The following UBE2E2 variants were observed in gnomAD, a reference collection of about 807,000 sequenced individuals.
UBE2E2 encodes the protein ubiquitin conjugating enzyme E2 E2, also known as ubiquitin-conjugating enzyme E2 E2.
UBE2E2 carries 6 observed loss-of-function variants against 24.7 expected under a neutral mutation model. The observed-to-expected ratio is 0.24, with a 90% confidence interval of 0.13 to 0.48. The LOEUF is 0.48. Among genes scored for constraint, UBE2E2 ranks in the 20% least tolerant of loss-of-function variants. The pLI, the probability that UBE2E2 is intolerant of heterozygous loss-of-function variation, is 0.99. For synonymous variants in UBE2E2, 104 were observed against 83.6 expected, an observed-to-expected ratio of 1.24 and a Z score of -1.33; for missense variants, 169 against 245.0, an observed-to-expected ratio of 0.69 and a Z score of 2.07.
Position 23,313,201 on chromosome 3 carries a change from T to C in UBE2E2, c.227+95889T>C, listed in dbSNP as rs570325547. Among the ~76,000 whole-genome samples the C allele has an allele frequency of 7.9e-5, 12 of 152,302 alleles. No individual in the cohort carries two copies. The South Asian group carries it at 1.9e-3, about 24-fold the overall frequency. On this transcript the variant is annotated intron_variant, in intron 3 of 5. Transcript: ENST00000396703. The stretch of plus-strand genomic sequence containing the variant: ...ATCATCTTGCTAATTGACCCTTTTA[T>C]TGTTATATAGTGACCTTCGTTTCTT...
intron 3 of UBE2E2, among the ~76,000 whole-genome samples, chr3:23,308,529 A>G (rs775220249): frequency 6.6e-6 from 1 of 152,218 alleles, no homozygotes; most frequent in Non-Finnish European, 1.5e-5. Flanking sequence ...TCATTATAAA[A>G]TTGTTTACCA....
chr3:23,574,657 T>C (rs1209771267), intron 5 of UBE2E2, among the ~76,000 whole-genome samples: 1 of 152,092 alleles, frequency 6.6e-6, no homozygotes, highest in African/African-American at 2.4e-5. Context: ...TTTGAGGCTA[T>C]AGTACACTAT....
intron 3 of UBE2E2, among the ~76,000 whole-genome samples, chr3:23,345,304 T>A (rs1288347539): frequency 6.6e-6 from 1 of 152,226 alleles, no homozygotes; most frequent in Admixed American, 6.5e-5. Context: ...TTTGGACACC[T>A]GGTATTAAAC....
intron 3 of UBE2E2, among the ~76,000 whole-genome samples, chr3:23,332,676 T>G (rs548159215): frequency 0.052 from 901 of 17,440 alleles, 10 homozygotes; most frequent in African/African-American, 0.12. Context: ...GCCAGTGGGG[T>G]GTGTGTGTGT....
intron 3 of UBE2E2, among the ~76,000 whole-genome samples, chr3:23,335,494 T>C (rs949075921): frequency 2.0e-5 from 3 of 152,224 alleles, no homozygotes; most frequent in Non-Finnish European, 4.4e-5. Flanking sequence ...TTAATGCATC[T>C]TGAATTTTAT....
intron 3 of UBE2E2, among the ~76,000 whole-genome samples, chr3:23,257,674 C>CT (rs1018569549): frequency 4.0e-5 from 6 of 149,240 alleles, no homozygotes; most frequent in East Asian, 2.0e-4. Context: ...GCTGGTTTTA[C>CT]TTTTTTTTTG....
chr3:23,430,272 A>G (rs1469801526), intron 3 of UBE2E2, among the ~76,000 whole-genome samples: 2 of 152,150 alleles, frequency 1.3e-5, no homozygotes, highest in Non-Finnish European at 2.9e-5. Context: ...TTGTGAAGAA[A>G]GTCTCATTTC....
At position 23,445,817 on chromosome 3, in the gene UBE2E2, C is replaced by G. The variant is rs375139011; in HGVS notation, c.228-53791C>G. ...TAAGTCACAGACTTATTTGTTGGCA[C>G]ATAGTGAGGCATGCAAATTCTCTTA... On this transcript the variant is annotated intron_variant, in intron 3 of 5. Transcript: ENST00000396703. Among the ~76,000 whole-genome samples the G allele has an allele frequency of 9.2e-5, 14 of 152,138 alleles. 1 individual carries two copies. The highest frequency in any genetic ancestry group is 8.3e-4 in the South Asian group (4 of 4,816).
intron 5 of UBE2E2, among the ~76,000 whole-genome samples, chr3:23,558,542 A>C (rs1002745090): frequency 8.0e-5 from 11 of 138,114 alleles, no homozygotes; most frequent in Admixed American, 2.9e-4. Context: ...ATACCAACTT[A>C]TCAGCAGATT....
chr3:23,219,839 A>G (rs1221453524), intron 3 of UBE2E2, among the ~76,000 whole-genome samples: 1 of 152,160 alleles, frequency 6.6e-6, no homozygotes, highest in African/African-American at 2.4e-5. Context: ...CAGAGAGTGG[A>G]GAACGATTTT....
chr3:23,203,182 A>G (rs1696005894), upstream of UBE2E2: 2 of 985,636 alleles, frequency 2.0e-6, no homozygotes, highest in Non-Finnish European at 2.4e-6. Context: ...ACTCAGGGGC[A>G]GCCACAGCGA....
chr3:23,435,932 C>G (rs1698169095), intron 3 of UBE2E2, among the ~76,000 whole-genome samples: 1 of 152,132 alleles, frequency 6.6e-6, no homozygotes, highest in Non-Finnish European at 1.5e-5. Context: ...GGGGATGAAA[C>G]TCTTCTGCCT....
intron 5 of UBE2E2, among the ~76,000 whole-genome samples, chr3:23,556,226 C>T (rs1695778578): frequency 7.0e-6 from 1 of 142,348 alleles, no homozygotes; most frequent in Admixed American, 7.4e-5. Context: ...CTCACTGCAA[C>T]CTCCACCTCC....
chr3:23,309,509 C>G (rs564609948), intron 3 of UBE2E2, among the ~76,000 whole-genome samples: 7 of 152,248 alleles, frequency 4.6e-5, no homozygotes, highest in African/African-American at 1.7e-4. Context: ...GTATATTGAC[C>G]TAAACCTTTA....
At chr3:23,211,819 T>C (rs1020777336) in intron 2 of UBE2E2, among the ~76,000 whole-genome samples, 4 of 152,186 alleles carry the variant, frequency 2.6e-5, no homozygotes, top group South Asian at 2.1e-4. Flanking sequence ...AAGCATTTAT[T>C]TGGCACATAG....
intron 3 of UBE2E2, among the ~76,000 whole-genome samples, chr3:23,457,422 C>T (rs76204058): frequency 0.03 from 4,549 of 152,318 alleles, 111 homozygotes; most frequent in East Asian, 0.13. Context: ...TTTGTCTGCA[C>T]TGAAAATCTA....
chr3:23,358,023 A>G (rs1174635989), intron 3 of UBE2E2, among the ~76,000 whole-genome samples: 2 of 151,878 alleles, frequency 1.3e-5, no homozygotes, highest in Non-Finnish European at 1.5e-5. Flanking sequence ...TTTTATAGAG[A>G]TGGAATTTCA....
chr3:23,565,390 A>G (rs566285999), intron 5 of UBE2E2, among the ~76,000 whole-genome samples: 1 of 149,902 alleles, frequency 6.7e-6, no homozygotes, highest in South Asian at 2.1e-4. Context: ...TCTCATGAAC[A>G]GTGAGAAACT....
chr3:23,352,043 T>G (rs143476782), intron 3 of UBE2E2, among the ~76,000 whole-genome samples: 10 of 152,060 alleles, frequency 6.6e-5, no homozygotes, highest in Non-Finnish European at 1.0e-4. Flanking sequence ...CTCTCAGACC[T>G]CAGTGCAATC....
Sources: allele counts gnomAD v4.1 joint callset (sites outside exome capture counted in the v4.1 genomes callset), GRCh38; gene constraint gnomAD v4.1.1; transcripts MANE v1.5; gene names NCBI Gene and HGNC (gene_info 2026-07-23, HGNC 2026-07-21).